DSN1: variants seen among roughly 807,000 people sequenced by gnomAD.
DSN1 encodes the protein kinetochore-associated protein DSN1 homolog.
In DSN1, 31 loss-of-function variants were observed where a neutral mutation model predicts 45.7. The ratio of observed to expected loss-of-function variants is 0.68; its 90% CI spans 0.51 to 0.92. DSN1 has a LOEUF of 0.92. Ranked by LOEUF, DSN1 falls within the 40% of genes least tolerant of loss-of-function variation. The pLI, the probability that DSN1 is intolerant of heterozygous loss-of-function variation, is 0.00. For missense variants in DSN1, 394 were observed against 414.2 expected, an observed-to-expected ratio of 0.95 and a Z score of 0.42; for synonymous variants, 134 against 142.3, an observed-to-expected ratio of 0.94 and a Z score of 0.41.
chr20:36,766,985 CAAAT>C (rs1987374229), intron 4 of DSN1, 144 bp from the exon 5 acceptor site: 3 of 486,216 alleles, frequency 6.2e-6, no homozygotes, highest in South Asian at 6.2e-5. Context: ...TTCACAGAAA[CAAAT>C]AAATAGATAA....
chr20:36,760,847 G>A (rs758759277), intron 6 of DSN1, among the ~76,000 whole-genome samples: 6 of 152,090 alleles, frequency 3.9e-5, no homozygotes, highest in African/African-American at 4.8e-5. Context: ...TAGAGATTGC[G>A]CCATTACACT....
At chr20:36,769,415 C>G (rs889282035) in intron 3 of DSN1, among the ~76,000 whole-genome samples, 1 of 152,206 alleles carries the variant, frequency 6.6e-6, no homozygotes, top group African/African-American at 2.4e-5. Flanking sequence ...TACACTGATG[C>G]TTTTCTGTTT....
chr20:36,753,038 C>CA (rs1986457564), intron 10 of DSN1, 141 bp from the exon 11 acceptor site: 1 of 685,686 alleles, frequency 1.5e-6, no homozygotes, highest in African/African-American at 1.8e-5. Flanking sequence ...AAGGAGATGA[C>CA]AATTTGGTAA....
In DSN1 at chr20:36,752,901, C is replaced by A. The variant is rs1485671211; in HGVS notation, c.962-4G>T. On this transcript the variant is annotated splice_region_variant and splice_polypyrimidine_tract_variant and intron_variant, in intron 10 of 10. Coordinates refer to ENST00000373750, the MANE Select transcript of DSN1 (RefSeq NM_001145315.2). ...AATTGTTGCATGCTTCTCTTTCCTG[C>A]AGAGAAAAGAGGCCAAAAAATAAAT... The A allele has an allele frequency of 6.2e-7, 1 of 1,610,182 alleles. No homozygotes were observed. The highest frequency in any genetic ancestry group is 8.5e-7 in the Non-Finnish European group (1 of 1,177,230).
chr20:36,756,171 G>A (rs1441911942), intron 8 of DSN1, among the ~76,000 whole-genome samples: 3 of 152,084 alleles, frequency 2.0e-5, no homozygotes, highest in East Asian at 3.9e-4. Context: ...TAGTAGAGAC[G>A]AGGTTTCACC....
intron 10 of DSN1, 142 bp downstream of exon 10, chr20:36,754,621 T>C (rs1227532860): frequency 4.0e-5 from 23 of 581,080 alleles, no homozygotes; most frequent in Non-Finnish European, 9.2e-6. Context: ...ACCCATAACA[T>C]ACTATTTATT....
intron 3 of DSN1, among the ~76,000 whole-genome samples, chr20:36,769,913 AC>A: frequency 9.8e-6 from 1 of 102,460 alleles, no homozygotes; most frequent in South Asian, 3.0e-4. Context: ...ACACACACAC[AC>A]ACACACACAC....
rs1310655667 is a variant in DSN1, at chr20:36,752,322, AG to A, written c.*465del. 6.6e-6 allele frequency: 1 copy of A among 152,614 alleles called. No homozygotes were observed. The highest frequency in any genetic ancestry group is 1.5e-5 in the Non-Finnish European group (1 of 68,386). 9.5% of individuals were successfully genotyped at this position (152,614 alleles called of 1,614,324 possible). On this transcript the variant is annotated 3_prime_UTR_variant, in exon 11 of 11. Transcript: ENST00000373750. Reference sequence around the variant, plus strand: ...ACCCGCCTCAGTCACCCAAAATGCTAGGATTACAGGCGTGAGCCATTGCGCC... The same window carrying A: ...ACCCGCCTCAGTCACCCAAAATGCTAGATTACAGGCGTGAGCCATTGCGCC...
chr20:36,760,168 C>T (rs1436718674), intron 6 of DSN1, among the ~76,000 whole-genome samples: 1 of 151,804 alleles, frequency 6.6e-6, no homozygotes, highest in Non-Finnish European at 1.5e-5. Context: ...TGCTTGAGCC[C>T]AGGAGGTGGA....
chr20:36,762,283 T>G (rs972210176), intron 6 of DSN1, among the ~76,000 whole-genome samples, 178 bp downstream of exon 6: 1 of 151,790 alleles, frequency 6.6e-6, no homozygotes, highest in Non-Finnish European at 1.5e-5. Context: ...ATTTTTTATT[T>G]TTATTTTTAG....
chr20:36,766,728 A>C, intron 5 of DSN1, 41 bp downstream of exon 5: 1 of 1,547,474 alleles, frequency 6.5e-7, no homozygotes, highest in East Asian at 2.3e-5. Context: ...CAAAGCTTTG[A>C]CTGCCCAGGG....
At chr20:36,769,936 CACACAG>C (rs1987548201) in intron 3 of DSN1, among the ~76,000 whole-genome samples, 2 of 125,168 alleles carry the variant, frequency 1.6e-5, no homozygotes, top group African/African-American at 5.9e-5. Context: ...CACACACACA[CACACAG>C]AGAGAGAGAG....
intron 10 of DSN1, among the ~76,000 whole-genome samples, chr20:36,753,759 C>A (rs1986512317): frequency 6.6e-6 from 1 of 151,846 alleles, no homozygotes; most frequent in African/African-American, 2.4e-5. Context: ...GTAATCCCAG[C>A]ACTTTGGGAG....
chr20:36,766,781 A>T lies in DSN1; in HGVS notation c.490T>A (p.Phe164Ile). The change falls in exon 5 of 11, where the codon TTT (phenylalanine) becomes ATT (isoleucine). Residue 164 changes from phenylalanine to isoleucine, a missense_variant. Coordinates refer to ENST00000373750, the MANE Select transcript of DSN1 (RefSeq NM_001145315.2). ...GTTAGCAACTTACCTTTGGCTCTAA[A>T]ACTTTCAAGACTGAAGCCCTTAGTG... The part of the protein sequence containing the change: ...RDTKGFSLES[F>I]RAKASSLSEE... 2.5e-6 allele frequency: 4 copies of T among 1,611,082 alleles called. No individual in the cohort carries two copies. The highest frequency in any genetic ancestry group is 3.4e-6 in the Non-Finnish European group (4 of 1,179,382).
At chr20:36,765,796 T>C (rs1373511703) in intron 5 of DSN1, among the ~76,000 whole-genome samples, 3 of 105,118 alleles carry the variant, frequency 2.9e-5, no homozygotes, top group Admixed American at 1.2e-4. Flanking sequence ...AGAGTCTGTC[T>C]CAAAAAAAAA....
chr20:36,772,836 T>C (rs763359911), intron 1 of DSN1, among the ~76,000 whole-genome samples: 2 of 152,240 alleles, frequency 1.3e-5, no homozygotes, highest in African/African-American at 2.4e-5. Flanking sequence ...TTGGCCTTCG[T>C]AGCATTGGCT....
chr20:36,768,021 A>C lies in DSN1; in HGVS notation c.377T>G (p.Val126Gly). 1.2e-6 allele frequency: 2 copies of C among 1,614,216 alleles called. No homozygotes were observed. Among genetic ancestry groups the C allele is most frequent in the Non-Finnish European group, 1.7e-6 (2 of 1,180,032 alleles). The change falls in exon 4 of 11, where the codon GTC becomes GGC. Residue 126 changes from valine (V) to glycine (G), a missense_variant. By Grantham distance (109) the Val-to-Gly change is moderately radical. Transcript: ENST00000373750. ...GITELSRSIS[V>G]DLAESKRLGC... ...AAGCCGTTTGCTTTCTGCTAAATCGACACTGATAGACCGGCTGAGCTCTAA... is the reference window on the plus strand; with the variant it reads ...AAGCCGTTTGCTTTCTGCTAAATCGCCACTGATAGACCGGCTGAGCTCTAA...
In DSN1 at chr20:36,758,548, G is replaced by A; in HGVS notation, c.650+10C>T. On this transcript the variant is annotated intron_variant, in intron 7 of 10. Coordinates refer to ENST00000373750, the MANE Select transcript of DSN1 (RefSeq NM_001145315.2). ...AACGAATTTAGATTTTCTAACAAAGGTTAACTTACTTTGTTATGTATTCCT... is the reference window on the plus strand; with the variant it reads ...AACGAATTTAGATTTTCTAACAAAGATTAACTTACTTTGTTATGTATTCCT... 1 of 1,595,472 alleles carries A rather than the reference G, an allele frequency of 6.3e-7. No individual in the cohort carries two copies. Among genetic ancestry groups the A allele is most frequent in the South Asian group, 1.1e-5 (1 of 87,316 alleles).
chr20:36,773,404 G>T (rs1275905575), intron 1 of DSN1: 5 of 985,360 alleles, frequency 5.1e-6, no homozygotes, highest in Non-Finnish European at 6.0e-6. Context: ...CCCTGTTTCT[G>T]GAGCCTAGAC....
Sources: gnomAD v4.1 joint callset for allele counts (sites outside exome capture counted in the v4.1 genomes callset) on GRCh38, gnomAD v4.1.1 for gene constraint, MANE v1.5 for transcripts, NCBI Gene and HGNC (gene_info 2026-07-23, HGNC 2026-07-21) for gene names.